Variants in PRR5 observed in about 807,000 individuals in gnomAD.
PRR5 encodes the protein proline-rich protein 5.
Under a neutral mutation model 30.6 loss-of-function variants are expected in PRR5, and 25 were observed. That is an observed-to-expected ratio of 0.82 (90% confidence interval 0.60 to 1.14). PRR5 has a LOEUF of 1.14. Among genes scored for constraint, PRR5 ranks in the 50% most tolerant of loss-of-function variants. The pLI is 0.00. For synonymous variants in PRR5, 286 were observed against 247.1 expected, an observed-to-expected ratio of 1.16 and a Z score of -1.48; for missense variants, 600 against 547.1, an observed-to-expected ratio of 1.10 and a Z score of -0.96.
intron 1 of PRR5, among the ~76,000 whole-genome samples, chr22:44,670,080 C>T (rs1228507067): frequency 6.6e-6 from 1 of 152,210 alleles, no homozygotes; most frequent in East Asian, 1.9e-4. Flanking sequence ...CATCGTCATT[C>T]TAATGCACAT....
At chr22:44,720,200 G>A (rs566928003) in intron 2 of PRR5, among the ~76,000 whole-genome samples, 3 of 152,250 alleles carry the variant, frequency 2.0e-5, no homozygotes, top group Non-Finnish European at 4.4e-5. Flanking sequence ...AGGTGGCCGT[G>A]CCCGCAGCCT....
In PRR5 at chr22:44,691,689, G is replaced by A. The variant is rs1369375850; in HGVS notation, c.-10-10803G>A. On this transcript the variant is annotated intron_variant, in intron 1 of 8. Transcript: ENST00000006251. The surrounding 1 kb of genome is among the most constrained non-coding windows in gnomAD (Gnocchi z 4.4). ...CTCAGGAGGCTGAGGAAGGAGAATC[G>A]CTTGAACCTGGGAGGTAGAGGCTGC... Among the ~76,000 whole-genome samples the A allele has an allele frequency of 3.3e-5, 5 of 152,074 alleles. No individual in the cohort carries two copies. The highest frequency in any genetic ancestry group is 2.1e-4 in the South Asian group (1 of 4,824).
intron 1 of PRR5, among the ~76,000 whole-genome samples, chr22:44,681,593 A>G (rs1601950963): frequency 1.3e-5 from 1 of 75,950 alleles, no homozygotes; most frequent in Non-Finnish European, 2.1e-5. Flanking sequence ...TGTCTCAAAG[A>G]AAAAAAAAAA....
Position 44,722,257 on chromosome 22 carries a change from C to T in PRR5, c.216-2987C>T, listed in dbSNP as rs1386364623. Among the ~76,000 whole-genome samples, 3 of 152,390 alleles carry T rather than the reference C, an allele frequency of 2.0e-5. No individual in the cohort carries two copies. The East Asian group carries it at 5.8e-4, about 29-fold the overall frequency. On this transcript the variant is annotated intron_variant, in intron 2 of 7. Coordinates refer to ENST00000336985, the MANE Select transcript of PRR5 (RefSeq NM_181333.4). ...CCAGGGCTGGAACCACTCAGCTGCG[C>T]TGTTAGCCTGAACCTCAGCTTCCCC...
At chr22:44,698,326 T>C (rs1392930942), upstream of PRR5, among the ~76,000 whole-genome samples, 2 of 148,768 alleles carry the variant, frequency 1.3e-5, no homozygotes, top group African/African-American at 5.0e-5. Context: ...GGAGCAGGGG[T>C]GGCTCTGGTG....
chr22:44,705,256 A>G (rs1222906140), intron 1 of PRR5, among the ~76,000 whole-genome samples: 1 of 152,114 alleles, frequency 6.6e-6, no homozygotes, highest in African/African-American at 2.4e-5. Context: ...TTGTGGCTGC[A>G]TCACTCCAAT....
intron 1 of PRR5, among the ~76,000 whole-genome samples, chr22:44,710,083 G>T (rs1241702215): frequency 6.6e-6 from 1 of 152,168 alleles, no homozygotes; most frequent in Non-Finnish European, 1.5e-5. Flanking sequence ...GGGATGTGAG[G>T]CGGGTAGGCA....
chr22:44,684,327 G>A (rs1348741097), intron 1 of PRR5, among the ~76,000 whole-genome samples: 1 of 152,202 alleles, frequency 6.6e-6, no homozygotes, highest in African/African-American at 2.4e-5. Flanking sequence ...TGGATCACCT[G>A]AGGTCAGGAG....
intron 1 of PRR5, among the ~76,000 whole-genome samples, chr22:44,712,498 G>A (rs991341511): frequency 3.9e-5 from 6 of 152,200 alleles, no homozygotes; most frequent in African/African-American, 1.4e-4. Flanking sequence ...TCCGTGTGGG[G>A]ACGCTGCCTG....
intron 1 of PRR5, among the ~76,000 whole-genome samples, chr22:44,709,320 A>G (rs1418217414): frequency 6.6e-6 from 1 of 152,144 alleles, no homozygotes; most frequent in Admixed American, 6.5e-5. Flanking sequence ...GGACTTTGTA[A>G]TCACAAGGGT....
chr22:44,714,640 C>G lies in PRR5; in HGVS notation c.184C>G (p.Gln62Glu), dbSNP rs1928774100. The G allele has an allele frequency of 1.2e-6, 2 of 1,613,748 alleles. No individual in the cohort carries two copies. Among genetic ancestry groups the G allele is most frequent in the Non-Finnish European group, 1.7e-6 (2 of 1,180,006 alleles). The change falls in exon 2 of 8, where the codon CAG (glutamine) becomes GAG (glutamate). Residue 62 changes from glutamine (Q) to glutamate (E), a missense_variant. Transcript: ENST00000336985. ...AVFQRKGLPDQELFSLNEGVR... is the reference protein window; with the variant it reads ...AVFQRKGLPDEELFSLNEGVR... Reference sequence around the variant, plus strand: ...CTTCCAGCGCAAGGGGCTGCCCGACCAGGAGCTCTTCAGCCTCAACGAGGG... The same window carrying G: ...CTTCCAGCGCAAGGGGCTGCCCGACGAGGAGCTCTTCAGCCTCAACGAGGG...
rs1000788809 is a variant in PRR5, at chr22:44,702,290, G to C, written c.-185G>C. 8.4e-5 allele frequency: 96 copies of C among 1,146,610 alleles called. No homozygotes were observed. In the African/African-American group the frequency reaches 8.8e-4, roughly 11 times the overall value. The allele number at this position is 1,146,610 out of a possible 1,614,324, so 71.0% of individuals were successfully genotyped here. On this transcript the variant is annotated 5_prime_UTR_variant, in exon 1 of 8. Transcript: ENST00000336985. ...CGTGCAATGATTAACCCGGCGGGGC[G>C]GCCGGCGCGGGACCCGAGACGGAGG...
intron 2 of PRR5, among the ~76,000 whole-genome samples, chr22:44,722,085 CG>C (rs1030590856): frequency 1.3e-5 from 2 of 152,160 alleles, no homozygotes; most frequent in African/African-American, 2.4e-5. Context: ...GGGGCTGCCT[CG>C]GGGCACCATT....
chr22:44,730,476 A>G (rs770780929), intron 4 of PRR5: 24 of 988,804 alleles, frequency 2.4e-5, no homozygotes, highest in Non-Finnish European at 2.8e-5. Context: ...TCCCACTGGA[A>G]CCCAGAGCCA....
At chr22:44,711,413 G>T (rs1184627294) in intron 1 of PRR5, among the ~76,000 whole-genome samples, 2 of 152,130 alleles carry the variant, frequency 1.3e-5, no homozygotes, top group Non-Finnish European at 2.9e-5. Context: ...AGTCAGGAGG[G>T]CAGTGTGAGT....
At chr22:44,708,874 G>A (rs1048073863) in intron 1 of PRR5, among the ~76,000 whole-genome samples, 1 of 149,878 alleles carries the variant, frequency 6.7e-6, no homozygotes, top group Non-Finnish European at 1.5e-5. Context: ...GGCTGAGGCA[G>A]GAGAATCACT....
chr22:44,705,501 T>G (rs548783331), intron 1 of PRR5, among the ~76,000 whole-genome samples: 3 of 152,016 alleles, frequency 2.0e-5, no homozygotes, highest in Admixed American at 2.0e-4. Context: ...TTTTTTGTAC[T>G]TTTAGTAGAG....
chr22:44,719,617 G>C (rs6006852), intron 2 of PRR5, among the ~76,000 whole-genome samples: 40,205 of 152,076 alleles, frequency 0.26, 5,746 homozygotes, highest in South Asian at 0.43. Flanking sequence ...TGTGTTGTCC[G>C]TGCAGAATAC....
chr22:44,729,591 C>T, intron 4 of PRR5: 2 of 985,444 alleles, frequency 2.0e-6, no homozygotes, highest in African/African-American at 1.7e-5. Context: ...TAGAGGATGC[C>T]ACTGAGTCCG....
Sources: allele counts gnomAD v4.1 joint callset (sites outside exome capture counted in the v4.1 genomes callset), GRCh38; gene constraint gnomAD v4.1.1; non-coding constraint Gnocchi (gnomAD v3.1); transcripts MANE v1.5; gene names NCBI Gene and HGNC (gene_info 2026-07-23, HGNC 2026-07-21).